The following PHC3 variants were observed in gnomAD, a reference collection of about 807,000 sequenced individuals.
The protein encoded by PHC3 is polyhomeotic homolog 3.
In PHC3, 13 loss-of-function variants were observed where a neutral mutation model predicts 107.4. The observed-to-expected ratio is 0.12, with a 90% CI of 0.08 to 0.19. PHC3 has a LOEUF of 0.19. Ranked by LOEUF, PHC3 falls within the 10% of genes least tolerant of loss-of-function variation. PHC3 has a pLI of 1.00. For synonymous variants in PHC3, 456 were observed against 427.4 expected (o/e 1.07, Z -0.83); for missense variants, 992 against 1,210.9 (o/e 0.82, Z 2.68).
intron 12 of PHC3, among the ~76,000 whole-genome samples, chr3:170,106,124 A>C (rs183846375): frequency 1.3e-5 from 2 of 152,108 alleles, no homozygotes; most frequent in African/African-American, 2.4e-5. Flanking sequence ...AGGCAGGAGA[A>C]TCTCTTGAGA....
Position 170,113,345 on chromosome 3 carries a change from G to A in PHC3, c.2353+15C>T, listed in dbSNP as rs760601339. 5.0e-6 allele frequency: 8 copies of A among 1,588,630 alleles called. No individual in the cohort carries two copies. In the South Asian group the frequency reaches 9.3e-5, roughly 18 times the overall value. On this transcript the variant is annotated intron_variant, in intron 11 of 14. Coordinates refer to ENST00000495893, the MANE Select transcript of PHC3 (RefSeq NM_024947.4). ...AAAGTTAAATTAAAGGGTATCTTAAGTGAAACCCACAAACCTTCAGCAATC... is the reference window on the plus strand; with the variant it reads ...AAAGTTAAATTAAAGGGTATCTTAAATGAAACCCACAAACCTTCAGCAATC...
At chr3:170,120,772 A>G (rs1428417457) in intron 9 of PHC3, among the ~76,000 whole-genome samples, 2 of 152,232 alleles carry the variant, frequency 1.3e-5, no homozygotes, top group African/African-American at 4.8e-5. Context: ...TAAAGAAAGC[A>G]GAGAGCAAGG....
intron 4 of PHC3, among the ~76,000 whole-genome samples, chr3:170,169,182 A>G (rs556134941): frequency 2.3e-4 from 35 of 152,266 alleles, no homozygotes; most frequent in African/African-American, 7.2e-4. Context: ...TTTTAAAATA[A>G]TATTCCATTT....
chr3:170,171,227 T>C (rs1729531591), intron 4 of PHC3, 146 bp downstream of exon 4: 1 of 619,450 alleles, frequency 1.6e-6, no homozygotes, highest in African/African-American at 1.9e-5. Context: ...AATTCTTGAA[T>C]TTTATCATTT....
intron 9 of PHC3, among the ~76,000 whole-genome samples, chr3:170,118,443 G>A (rs1719479474): frequency 6.6e-6 from 1 of 151,906 alleles, no homozygotes. Context: ...ACGGAGTCTC[G>A]CTCTGTCACC....
chr3:170,102,958 A>C (rs777453344), intron 12 of PHC3, 24 bp from the exon 13 acceptor site: 2 of 1,574,952 alleles, frequency 1.3e-6, no homozygotes, highest in South Asian at 2.3e-5. Flanking sequence ...GAAAGAAAAA[A>C]TATTTAATGA....
chr3:170,181,620 C>G, intron 1 of PHC3, 82 bp downstream of exon 1: 1 of 1,602,496 alleles, frequency 6.2e-7, no homozygotes, highest in African/African-American at 1.3e-5. Context: ...CAAAAGAGCC[C>G]TGAGCTTTCC....
chr3:170,096,073 T>G lies in PHC3; in HGVS notation c.*1157A>C, dbSNP rs1179784199. On this transcript the variant is annotated 3_prime_UTR_variant, in exon 15 of 15. Coordinates refer to ENST00000495893, the MANE Select transcript of PHC3 (RefSeq NM_024947.4). ...CTAGTTCATAGGTATAATCATATTATGTCTTCGTCAGTGCAGAGGAGCACA... is the reference window on the plus strand; with the variant it reads ...CTAGTTCATAGGTATAATCATATTAGGTCTTCGTCAGTGCAGAGGAGCACA... The G allele has an allele frequency of 6.6e-6, 1 of 152,244 alleles. No homozygotes were observed. The highest frequency in any genetic ancestry group is 2.1e-4 in the South Asian group (1 of 4,834). 9.4% of individuals were successfully genotyped at this position (152,244 alleles called of 1,614,324 possible).
intron 4 of PHC3, among the ~76,000 whole-genome samples, chr3:170,158,874 C>A (rs1362539822): frequency 1.3e-5 from 2 of 150,958 alleles, no homozygotes; most frequent in African/African-American, 2.4e-5. Context: ...TTGCAATAAG[C>A]CATATTAGCA....
At chr3:170,146,299 C>G (rs1724926680) in intron 5 of PHC3, among the ~76,000 whole-genome samples, 1 of 150,774 alleles carries the variant, frequency 6.6e-6, no homozygotes, top group Non-Finnish European at 1.5e-5. Context: ...CACTTGAACC[C>G]AGGAGGTGGA....
At chr3:170,106,766 G>T in intron 12 of PHC3, 66 bp downstream of exon 12, 1 of 996,460 alleles carries the variant, frequency 1.0e-6, no homozygotes, top group Non-Finnish European at 1.5e-6. Context: ...GCTATTCAAG[G>T]GTTTTTTGGT....
At chr3:170,118,435 G>A (rs542992895) in intron 9 of PHC3, among the ~76,000 whole-genome samples, 75 of 151,956 alleles carry the variant, frequency 4.9e-4, no homozygotes, top group African/African-American at 1.5e-3. Flanking sequence ...TTTTTGAGAC[G>A]GAGTCTCGCT....
At chr3:170,113,329 T>C in intron 11 of PHC3, 31 bp downstream of exon 11, 21 of 1,565,856 alleles carry the variant, frequency 1.3e-5, no homozygotes, top group Non-Finnish European at 1.8e-5. Flanking sequence ...CAAAGTTAAA[T>C]TAAAGGGTAT....
At position 170,097,370 on chromosome 3, in the gene PHC3, C is replaced by A; in HGVS notation, c.2848G>T (p.Ala950Ser). 2 of 1,612,116 alleles carry A rather than the reference C, an allele frequency of 1.2e-6. No homozygotes were observed. The highest frequency in any genetic ancestry group is 1.1e-5 in the South Asian group (1 of 90,932). ...IHSLPGCQDIADEFRAQEIDG... is the reference protein window; with the variant it reads ...IHSLPGCQDISDEFRAQEIDG... ...ATCTCCTGTGCTCTGAATTCATCTG[C>A]GATATCCTGGCAGCCTGGAATTTGA... The change falls in exon 15 of 15, where the codon GCA becomes TCA. Residue 950 changes from alanine to serine, a missense_variant. Coordinates refer to ENST00000495893, the MANE Select transcript of PHC3 (RefSeq NM_024947.4). This position sits in a 1 kb window ranked among gnomAD's most constrained non-coding sequence, Gnocchi z 4.1.
chr3:170,145,328 T>G (rs1724769437), intron 6 of PHC3, 95 bp downstream of exon 6: 1 of 926,682 alleles, frequency 1.1e-6, no homozygotes, highest in Non-Finnish European at 1.6e-6. Flanking sequence ...CAAAGAGCAC[T>G]GAAACCATCA....
intron 2 of PHC3, among the ~76,000 whole-genome samples, chr3:170,173,108 C>T (rs1729881530): frequency 2.0e-5 from 3 of 151,664 alleles, no homozygotes; most frequent in Admixed American, 1.3e-4. Flanking sequence ...AGGAGAATCG[C>T]TTGAACCTGT....
At chr3:170,131,651 T>C (rs1024796963) in intron 7 of PHC3, among the ~76,000 whole-genome samples, 1 of 152,110 alleles carries the variant, frequency 6.6e-6, no homozygotes, top group Admixed American at 6.6e-5. Context: ...CTGGCCAACA[T>C]GGTGAAACCC....
intron 9 of PHC3, among the ~76,000 whole-genome samples, chr3:170,119,230 TG>T (rs896051665): frequency 6.6e-6 from 1 of 152,118 alleles, no homozygotes; most frequent in Non-Finnish European, 1.5e-5. Context: ...TTAAAAATTC[TG>T]AAGTAGGACT....
intron 4 of PHC3, among the ~76,000 whole-genome samples, chr3:170,169,302 G>A (rs968369128): frequency 1.3e-5 from 2 of 152,046 alleles, no homozygotes; most frequent in Non-Finnish European, 2.9e-5. Flanking sequence ...ACTGTTATCT[G>A]GAAACCTAAC....
Sources: allele counts gnomAD v4.1 joint callset (sites outside exome capture counted in the v4.1 genomes callset), GRCh38; gene constraint gnomAD v4.1.1; non-coding constraint Gnocchi (gnomAD v3.1); transcripts MANE v1.5; gene names NCBI Gene and HGNC (gene_info 2026-07-23, HGNC 2026-07-21).